Variants in FSTL5 observed in about 807,000 individuals in gnomAD.
FSTL5 encodes follistatin like 5, also known as follistatin-related protein 5.
A neutral mutation model predicts 89.1 loss-of-function variants in FSTL5; 62 were observed. That is an observed-to-expected ratio of 0.70 (90% CI 0.57 to 0.86). The LOEUF (loss-of-function observed/expected upper bound fraction) is 0.86. Among genes scored for constraint, FSTL5 ranks in the 40% least tolerant of loss-of-function variants. The probability of loss-of-function intolerance (pLI) is 0.00; values close to 1 mark genes in which losing one functional copy is unlikely to be tolerated. For missense variants in FSTL5, 1,057 were observed against 1,001.6 expected (o/e 1.06, Z -0.75); for synonymous variants, 383 against 346.2 (o/e 1.11, Z -1.18).
chr4:161,544,825 C>T (rs563159437), intron 8 of FSTL5, among the ~76,000 whole-genome samples: 15 of 151,848 alleles, frequency 9.9e-5, no homozygotes, highest in Admixed American at 3.9e-4. Flanking sequence ...TTAGATATTG[C>T]GATACTACTA....
intron 11 of FSTL5, among the ~76,000 whole-genome samples, chr4:161,506,709 A>T (rs1730494025): frequency 6.6e-6 from 1 of 152,128 alleles, no homozygotes; most frequent in South Asian, 2.1e-4. Context: ...TGAAGAAGCT[A>T]AGCTGGCCTG....
chr4:161,742,274 C>T (rs761166416), intron 6 of FSTL5, among the ~76,000 whole-genome samples: 2 of 152,134 alleles, frequency 1.3e-5, no homozygotes, highest in Non-Finnish European at 1.5e-5. Context: ...GATATTCTTG[C>T]TGCCCTGTAA....
At chr4:161,397,588 A>C (rs964879457) in intron 15 of FSTL5, among the ~76,000 whole-genome samples, 3 of 151,422 alleles carry the variant, frequency 2.0e-5, no homozygotes, top group Admixed American at 6.6e-5. Context: ...AATTATATAT[A>C]GTATTTGACG....
At chr4:161,534,468 C>T (rs904752506) in intron 10 of FSTL5, among the ~76,000 whole-genome samples, 1 of 151,996 alleles carries the variant, frequency 6.6e-6, no homozygotes, top group African/African-American at 2.4e-5. Flanking sequence ...AACACAATTC[C>T]ATTTATAATA....
intron 3 of FSTL5, among the ~76,000 whole-genome samples, chr4:161,981,960 G>T (rs457505): frequency 0.25 from 38,336 of 152,042 alleles, 5,806 homozygotes; most frequent in African/African-American, 0.43. Flanking sequence ...CTGTTAGGAA[G>T]AGATAATATT....
At chr4:161,495,939 T>G (rs1158778793) in intron 12 of FSTL5, among the ~76,000 whole-genome samples, 1 of 152,110 alleles carries the variant, frequency 6.6e-6, no homozygotes, top group East Asian at 1.9e-4. Flanking sequence ...CACAGGAACT[T>G]TTCACTGTGT....
At chr4:161,657,283 C>T (rs1335751272) in intron 6 of FSTL5, among the ~76,000 whole-genome samples, 7 of 152,158 alleles carry the variant, frequency 4.6e-5, no homozygotes, top group African/African-American at 2.4e-5. Flanking sequence ...ATAATGTCTG[C>T]CAATTCTGCA....
chr4:161,666,186 C>A (rs1311160260), intron 6 of FSTL5, among the ~76,000 whole-genome samples: 1 of 151,980 alleles, frequency 6.6e-6, no homozygotes, highest in Non-Finnish European at 1.5e-5. Flanking sequence ...ATAAATTATT[C>A]TACACATCAC....
intron 6 of FSTL5, among the ~76,000 whole-genome samples, chr4:161,660,489 A>G (rs1158810145): frequency 6.6e-6 from 1 of 152,156 alleles, no homozygotes; most frequent in Non-Finnish European, 1.5e-5. Flanking sequence ...GTTTTATTTT[A>G]AGTTCAGGGA....
intron 5 of FSTL5, among the ~76,000 whole-genome samples, chr4:161,767,418 C>G (rs1741051296): frequency 6.6e-6 from 1 of 152,138 alleles, no homozygotes; most frequent in South Asian, 2.1e-4. Flanking sequence ...CGAGGCTTTT[C>G]AGGGATTTAT....
intron 4 of FSTL5, among the ~76,000 whole-genome samples, chr4:161,859,644 GA>G (rs556241469): frequency 6.6e-6 from 1 of 152,166 alleles, no homozygotes; most frequent in Non-Finnish European, 1.5e-5. Flanking sequence ...TTAACTGCTG[GA>G]AAAAAATAAT....
chr4:162,014,861 C>T (rs10034486), intron 3 of FSTL5, among the ~76,000 whole-genome samples: 151,979 of 152,294 alleles, frequency 1, 75,832 homozygotes, highest in Middle Eastern at 1. Context: ...AATGGCTTTT[C>T]TTAAAAAAAG....
intron 13 of FSTL5, among the ~76,000 whole-genome samples, chr4:161,474,357 C>G (rs886395570): frequency 2.0e-5 from 3 of 152,004 alleles, no homozygotes; most frequent in Non-Finnish European, 2.9e-5. Flanking sequence ...AGGGTTTTTG[C>G]AAATCAAAGT....
At chr4:161,904,426 T>G (rs1408411937) in intron 4 of FSTL5, among the ~76,000 whole-genome samples, 2 of 152,062 alleles carry the variant, frequency 1.3e-5, no homozygotes, top group Non-Finnish European at 2.9e-5. Flanking sequence ...AACCCAATAT[T>G]GATTAGTGCT....
intron 15 of FSTL5, among the ~76,000 whole-genome samples, chr4:161,436,765 ATC>A (rs1732573671): frequency 2.6e-5 from 4 of 152,230 alleles, no homozygotes; most frequent in Non-Finnish European, 5.9e-5. Flanking sequence ...ACTTTGGAAC[ATC>A]TATATCATTC....
chr4:161,424,774 G>A (rs922626446), intron 15 of FSTL5, among the ~76,000 whole-genome samples: 4 of 152,210 alleles, frequency 2.6e-5, no homozygotes, highest in Non-Finnish European at 4.4e-5. Flanking sequence ...TGAAAATGAA[G>A]TCACTTATAC....
chr4:161,418,791 G>A (rs77545289), intron 15 of FSTL5, among the ~76,000 whole-genome samples: 15,104 of 152,150 alleles, frequency 0.099, 968 homozygotes, highest in South Asian at 0.2. Context: ...AAAAATATTA[G>A]TCAGATAAAG....
chr4:161,995,891 G>C (rs1038019271), intron 3 of FSTL5, among the ~76,000 whole-genome samples: 1 of 151,376 alleles, frequency 6.6e-6, no homozygotes, highest in African/African-American at 2.4e-5. Flanking sequence ...TCACCCATCA[G>C]AAACTTAAAT....
chr4:161,461,033 T>C (rs1733550091), intron 13 of FSTL5, among the ~76,000 whole-genome samples: 1 of 151,014 alleles, frequency 6.6e-6, no homozygotes, highest in African/African-American at 2.5e-5. Context: ...TAATACTCCA[T>C]TCCATCAACA....
Sources: gnomAD v4.1 joint callset for allele counts (sites outside exome capture counted in the v4.1 genomes callset) on GRCh38, gnomAD v4.1.1 for gene constraint, MANE v1.5 for transcripts, NCBI Gene and HGNC (gene_info 2026-07-23, HGNC 2026-07-21) for gene names.